SYTL5: variants seen among roughly 807,000 people sequenced by gnomAD.
SYTL5 encodes the protein synaptotagmin-like protein 5.
In SYTL5, 34 loss-of-function variants were observed where a neutral mutation model predicts 55.9. That is an observed-to-expected ratio of 0.61 (90% CI 0.46 to 0.81). The LOEUF is 0.81. Ranked by LOEUF, SYTL5 falls within the 30% of genes least tolerant of loss-of-function variation. The pLI is 0.00. For synonymous variants in SYTL5, 221 were observed against 188.7 expected (o/e 1.17, Z -1.40); for missense variants, 637 against 546.7 (o/e 1.17, Z -1.65).
intron 3 of SYTL5, among the ~76,000 whole-genome samples, chrX:38,060,802 C>G (rs1197565045): frequency 8.9e-6 from 1 of 111,999 alleles, no homozygotes; most frequent in African/African-American, 3.2e-5. Context: ...AATAACAAAT[C>G]AAAACTTCCG....
intron 1 of SYTL5, among the ~76,000 whole-genome samples, chrX:38,012,567 C>T (rs983013439): frequency 6.2e-4 from 69 of 111,528 alleles, no homozygotes; most frequent in Non-Finnish European, 1.0e-3. Context: ...ATTATAAAAA[C>T]GAAAGTTCAG....
At chrX:37,971,540 C>T in the SYTL5 span, among the ~76,000 whole-genome samples, 1 of 111,075 alleles carries the variant, frequency 9.0e-6, no homozygotes, top group Admixed American at 9.6e-5. Flanking sequence ...ACAATAACAA[C>T]AACAACAACA....
intron 3 of SYTL5, among the ~76,000 whole-genome samples, chrX:38,070,484 C>G (rs1309010049): frequency 9.0e-6 from 1 of 111,045 alleles, no homozygotes; most frequent in Non-Finnish European, 1.9e-5. Flanking sequence ...TTTCTATCCT[C>G]TTTATTGTTT....
chrX:37,971,464 C>T, the SYTL5 span, among the ~76,000 whole-genome samples: 1 of 111,004 alleles, frequency 9.0e-6, no homozygotes, highest in Non-Finnish European at 1.9e-5. Flanking sequence ...GTTCCCGTAG[C>T]TATTACTTCA....
chrX:37,958,614 T>C, the SYTL5 span, among the ~76,000 whole-genome samples: 1 of 111,916 alleles, frequency 8.9e-6, no homozygotes, highest in South Asian at 3.8e-4. Context: ...GCAAAATGTA[T>C]TAATTCCATT....
chrX:37,974,388 TAGAG>T, the SYTL5 span, among the ~76,000 whole-genome samples: 2 of 111,533 alleles, frequency 1.8e-5, no homozygotes, highest in Non-Finnish European at 3.8e-5. Flanking sequence ...AGTAGGTAAA[TAGAG>T]AGAAACAAAA....
intron 1 of SYTL5, among the ~76,000 whole-genome samples, chrX:38,017,643 G>A (rs1490484131): frequency 9.2e-6 from 1 of 108,957 alleles, no homozygotes; most frequent in Non-Finnish European, 1.9e-5. Flanking sequence ...GATAAGCTGG[G>A]AAAGAAGGAA....
At chrX:38,024,409 C>A (rs967327050) in intron 1 of SYTL5, among the ~76,000 whole-genome samples, 7 of 110,732 alleles carry the variant, frequency 6.3e-5, no homozygotes, top group Non-Finnish European at 1.3e-4. Context: ...AAATGTGAGT[C>A]CATTAAAGCT....
the SYTL5 span, among the ~76,000 whole-genome samples, chrX:37,900,117 GAC>G: frequency 0.15 from 16,056 of 104,850 alleles, 2,419 homozygotes; most frequent in African/African-American, 0.46. Context: ...CACACACAAA[GAC>G]ACACACACAC....
intron 1 of SYTL5, among the ~76,000 whole-genome samples, chrX:38,032,401 A>C (rs1934979871): frequency 8.9e-6 from 1 of 111,749 alleles, no homozygotes; most frequent in Non-Finnish European, 1.9e-5. Flanking sequence ...TGAGCTTCTT[A>C]TGTTGACAAA....
At position 38,128,684 on chromosome X, in the gene SYTL5, C is replaced by T. The variant is rs1400540256; in HGVS notation, c.*1954C>T. 4 of 111,753 alleles carry T rather than the reference C, an allele frequency of 3.6e-5. No individual in the cohort carries two copies. Among genetic ancestry groups the T allele is most frequent in the Admixed American group, 1.9e-4 (2 of 10,475 alleles). The allele number at this position is 111,753 out of a possible 1,213,427, so 9.2% of individuals were successfully genotyped here. Reference sequence around the variant, plus strand: ...TAGAAAATGGTTATTAGTCTAGTGTCGCTTAGCAAGGTACTTAAAAGAAAA... The same window carrying T: ...TAGAAAATGGTTATTAGTCTAGTGTTGCTTAGCAAGGTACTTAAAAGAAAA... On this transcript the variant is annotated 3_prime_UTR_variant, in exon 17 of 17. Transcript: ENST00000297875.
rs1935024396 is a variant in SYTL5, at chrX:38,033,620, G to C, written c.-270G>C. On this transcript the variant is annotated 5_prime_UTR_variant, in exon 2 of 17. Coordinates refer to ENST00000297875, the MANE Select transcript of SYTL5 (RefSeq NM_138780.3). ...CGTTAGTTAAATTCAGCTGCTGCCT[G>C]ACTGTATACCACAGCAAAGGCTTTG... 1 of 156,592 alleles carries C rather than the reference G, an allele frequency of 6.4e-6. No homozygotes were observed. Among genetic ancestry groups the C allele is most frequent in the Admixed American group, 8.2e-5 (1 of 12,156 alleles). The allele number at this position is 156,592 out of a possible 1,213,427, so 12.9% of individuals were successfully genotyped here.
At chrX:37,970,544 C>T in the SYTL5 span, among the ~76,000 whole-genome samples, 361 of 110,671 alleles carry the variant, frequency 3.3e-3, 1 homozygote, top group African/African-American at 0.011. Context: ...TAGAATTGCC[C>T]ATTTAATACT....
intron 1 of SYTL5, among the ~76,000 whole-genome samples, chrX:38,011,587 T>A (rs1373349819): frequency 1.9e-5 from 2 of 106,595 alleles, no homozygotes; most frequent in Non-Finnish European, 3.8e-5. Flanking sequence ...TGAGCCAAGA[T>A]CGCGCCACTG....
chrX:38,027,493 C>A (rs975021742), intron 1 of SYTL5, among the ~76,000 whole-genome samples: 1 of 111,394 alleles, frequency 9.0e-6, no homozygotes, highest in African/African-American at 3.3e-5. Flanking sequence ...AGGAAAAAAA[C>A]GACAACAACA....
At chrX:38,110,634 A>G (rs1385685584) in intron 13 of SYTL5, 152 bp downstream of exon 13, 1 of 403,917 alleles carries the variant, frequency 2.5e-6, no homozygotes, top group Non-Finnish European at 4.0e-6. Context: ...TATTATAAAA[A>G]TGTTGTAAAT....
At position 38,009,924 on chromosome X, in the gene SYTL5, T is replaced by C. The variant is rs529935220; in HGVS notation, c.-357+3256T>C. Among the ~76,000 whole-genome samples the C allele has an allele frequency of 2.7e-5, 3 of 112,118 alleles. No individual in the cohort carries two copies. In the South Asian group the frequency reaches 1.1e-3, roughly 41 times the overall value. ...TCATTTTGAACTATGAAGAACTATA[T>C]AGATATTAAAGTAAGATTTGTTGCT... On this transcript the variant is annotated intron_variant, in intron 1 of 16. Coordinates refer to ENST00000297875, the MANE Select transcript of SYTL5 (RefSeq NM_138780.3).
the SYTL5 span, among the ~76,000 whole-genome samples, chrX:37,947,654 T>A: frequency 8.9e-6 from 1 of 111,916 alleles, no homozygotes; most frequent in East Asian, 2.8e-4. Context: ...AAGATTTACA[T>A]CTTTTTGGGC....
intron 16 of SYTL5, 83 bp downstream of exon 16, chrX:38,125,589 G>A (rs1937627331): frequency 1.3e-5 from 9 of 686,625 alleles, no homozygotes; most frequent in Non-Finnish European, 1.6e-5. Flanking sequence ...ATGTGCAGTG[G>A]ATGTATATAT....
Sources: allele counts gnomAD v4.1 joint callset (sites outside exome capture counted in the v4.1 genomes callset), GRCh38; gene constraint gnomAD v4.1.1; transcripts MANE v1.5; gene names NCBI Gene and HGNC (gene_info 2026-07-23, HGNC 2026-07-21).